The following IMPG1 variants were observed in gnomAD, a reference collection of about 807,000 sequenced individuals.
IMPG1 encodes the protein interphotoreceptor matrix proteoglycan 1.
Under a neutral mutation model 92.0 loss-of-function variants are expected in IMPG1, and 85 were observed. The observed-to-expected ratio is 0.92, with a 90% CI of 0.78 to 1.11. The LOEUF is 1.11. Among genes scored for constraint, IMPG1 ranks in the 50% least tolerant of loss-of-function variants. The pLI, the probability that IMPG1 is intolerant of heterozygous loss-of-function variation, is 0.00. For synonymous variants in IMPG1, 367 were observed against 334.1 expected, an observed-to-expected ratio of 1.10 and a Z score of -1.08; for missense variants, 1,022 against 956.0, an observed-to-expected ratio of 1.07 and a Z score of -0.91.
At chr6:76,015,580 C>A (rs1422911406) in intron 7 of IMPG1, among the ~76,000 whole-genome samples, 1 of 151,858 alleles carries the variant, frequency 6.6e-6, no homozygotes, top group Admixed American at 6.6e-5. Context: ...GAGGGTGGAT[C>A]ACCTGAGGTC....
intron 12 of IMPG1, among the ~76,000 whole-genome samples, chr6:75,962,205 A>G (rs1782222418): frequency 6.6e-6 from 1 of 152,014 alleles, no homozygotes; most frequent in African/African-American, 2.4e-5. Flanking sequence ...CTGCAGCCTT[A>G]AACTCCCTGT....
intron 1 of IMPG1, among the ~76,000 whole-genome samples, chr6:76,047,084 T>C (rs141945149): frequency 1.1e-3 from 162 of 152,328 alleles, no homozygotes; most frequent in African/African-American, 3.7e-3. Context: ...AGTGTTTTTG[T>C]TACCAGCATA....
intron 1 of IMPG1, among the ~76,000 whole-genome samples, chr6:76,049,464 CTCTCTCTCTCTG>C (rs1166976769): frequency 1.5e-4 from 22 of 151,686 alleles, no homozygotes; most frequent in African/African-American, 5.1e-4. Flanking sequence ...TACCTTTATT[CTCTCTCTCTCTG>C]TCTCTCTCTC....
intron 10 of IMPG1, 26 bp downstream of exon 10, chr6:76,005,261 T>C: frequency 6.2e-7 from 1 of 1,608,972 alleles, no homozygotes; most frequent in Admixed American, 1.7e-5. Flanking sequence ...GAGAATAAAC[T>C]CAGAACTAAG....
intron 14 of IMPG1, among the ~76,000 whole-genome samples, chr6:75,934,382 G>A (rs1384803858): frequency 3.9e-5 from 6 of 152,226 alleles, no homozygotes; most frequent in Admixed American, 3.3e-4. Context: ...TCCAGTGTAA[G>A]GGCATCGGAT....
intron 12 of IMPG1, among the ~76,000 whole-genome samples, chr6:75,953,665 A>G (rs1020741696): frequency 5.9e-5 from 9 of 151,746 alleles, no homozygotes; most frequent in African/African-American, 2.2e-4. Context: ...CAGAACGTGC[A>G]GGTTTGTTAC....
rs185850526 is a variant in IMPG1 at position 75,947,646 on chromosome 6, T to G, written c.1825-113A>C. ...AGACATATATTTTAGTTCCTTTTTA[T>G]TATTTTGATTTTTGTTTTTGGATTT... On this transcript the variant is annotated intron_variant, in intron 13 of 16. Coordinates refer to ENST00000369950, the MANE Select transcript of IMPG1 (RefSeq NM_001563.4). 6.7e-3 allele frequency: 5,039 copies of G among 754,914 alleles called. 92 individuals carry two copies. Among genetic ancestry groups the G allele is most frequent in the South Asian group, 0.046 (2,384 of 52,320 alleles). The allele number at this position is 754,914 out of a possible 1,614,324, so 46.8% of individuals were successfully genotyped here.
chr6:76,039,770 C>T (rs1190798629), intron 2 of IMPG1, among the ~76,000 whole-genome samples: 4 of 152,174 alleles, frequency 2.6e-5, no homozygotes, highest in Non-Finnish European at 4.4e-5. Context: ...GGAAATTTGG[C>T]TGGGGCACAG....
At position 76,061,104 on chromosome 6, in the gene IMPG1, T is replaced by G. The variant is rs371273877; in HGVS notation, c.67+11318A>C. Among the ~76,000 whole-genome samples the G allele has an allele frequency of 6.8e-4, 103 of 152,308 alleles. 1 individual carries two copies. Among genetic ancestry groups the G allele is most frequent in the African/African-American group, 2.4e-3 (100 of 41,572 alleles). ...ACGGCTAAGAAAGTAGTAGGTCATT[T>G]CAGCCCTGTTTAATTAGCTCTCACA... On this transcript the variant is annotated intron_variant, in intron 1 of 16. Coordinates refer to ENST00000369950, the MANE Select transcript of IMPG1 (RefSeq NM_001563.4).
chr6:75,983,353 G>C (rs1201935919), intron 12 of IMPG1, among the ~76,000 whole-genome samples: 1 of 152,022 alleles, frequency 6.6e-6, no homozygotes, highest in African/African-American at 2.4e-5. Flanking sequence ...AATCAAAATA[G>C]CATGGTACTG....
chr6:76,035,529 A>G (rs2787848), intron 2 of IMPG1, among the ~76,000 whole-genome samples: 141,527 of 142,694 alleles, frequency 0.99, 70,190 homozygotes, highest in East Asian at 1. Context: ...AAAAAAGAAA[A>G]ATGTGGCAAG....
In IMPG1 at chr6:76,040,196, A is replaced by T. The variant is rs3798583; in HGVS notation, c.301+1697T>A. ...GGGGAGAAAAACAATGGTTTGTTTC[A>T]TCCAGGGAAACAAGAATGAAAGAGG... On this transcript the variant is annotated intron_variant, in intron 2 of 16. Coordinates refer to ENST00000369950, the MANE Select transcript of IMPG1 (RefSeq NM_001563.4). 5.7e-3 allele frequency among the ~76,000 whole-genome samples: 868 copies of T among 152,336 alleles called. 34 individuals are homozygous for T. The East Asian group carries it at 0.089, about 16-fold the overall frequency.
chr6:76,026,195 C>T (rs1387118722), intron 4 of IMPG1, among the ~76,000 whole-genome samples: 2 of 152,208 alleles, frequency 1.3e-5, no homozygotes, highest in Admixed American at 6.5e-5. Context: ...CAATAAAACC[C>T]TGCTTTACTC....
At chr6:76,011,982 G>A (rs1458164250) in intron 7 of IMPG1, among the ~76,000 whole-genome samples, 1 of 151,988 alleles carries the variant, frequency 6.6e-6, no homozygotes, top group African/African-American at 2.4e-5. Flanking sequence ...ATTATAACTA[G>A]AGTTAGCTAT....
intron 7 of IMPG1, among the ~76,000 whole-genome samples, chr6:76,016,479 G>A (rs537118258): frequency 6.6e-6 from 1 of 152,236 alleles, no homozygotes. Context: ...CCATGTCTGA[G>A]TAGTTTTCTG....
intron 14 of IMPG1, among the ~76,000 whole-genome samples, chr6:75,942,585 C>T (rs953377962): frequency 1.3e-5 from 2 of 152,176 alleles, no homozygotes; most frequent in African/African-American, 2.4e-5. Context: ...CACTCCGGAT[C>T]CAGGGTCCTG....
At chr6:76,036,956 A>T (rs1361288131) in intron 2 of IMPG1, among the ~76,000 whole-genome samples, 1 of 152,236 alleles carries the variant, frequency 6.6e-6, no homozygotes, top group Non-Finnish European at 1.5e-5. Flanking sequence ...ATAGCTAAAA[A>T]TTGTTTTAGG....
chr6:75,928,494 C>A (rs1340108299), intron 15 of IMPG1: 2 of 152,208 alleles, frequency 1.3e-5, no homozygotes, highest in African/African-American at 4.8e-5. Flanking sequence ...CCCAACCCTT[C>A]TTTTAAATTA....
At chr6:75,974,330 C>CCTTT (rs558072098) in intron 12 of IMPG1, among the ~76,000 whole-genome samples, 8,253 of 98,102 alleles carry the variant, frequency 0.084, 493 homozygotes, top group Non-Finnish European at 0.098. Context: ...TCTTTCTTTC[C>CCTTT]CTTTCTTTCT....
Sources: gnomAD v4.1 joint callset for allele counts (sites outside exome capture counted in the v4.1 genomes callset) on GRCh38, gnomAD v4.1.1 for gene constraint, MANE v1.5 for transcripts, NCBI Gene and HGNC (gene_info 2026-07-23, HGNC 2026-07-21) for gene names.